PCDHA12: variants seen among roughly 807,000 people sequenced by gnomAD.
The protein encoded by PCDHA12 is protocadherin alpha-12.
In PCDHA12, 44 loss-of-function variants were observed where a neutral mutation model predicts 60.0. The observed-to-expected ratio is 0.73, with a 90% confidence interval of 0.58 to 0.94. The LOEUF is 0.94. Among genes scored for constraint, PCDHA12 ranks in the 40% least tolerant of loss-of-function variants. The pLI is 0.00. For missense variants in PCDHA12, 1,276 were observed against 1,239.7 expected, an observed-to-expected ratio of 1.03 and a Z score of -0.44; for synonymous variants, 569 against 553.0, an observed-to-expected ratio of 1.03 and a Z score of -0.40.
intron 3 of PCDHA12, among the ~76,000 whole-genome samples, chr5:140,990,648 A>G (rs2097404919): frequency 2.0e-5 from 3 of 152,220 alleles, no homozygotes; most frequent in Admixed American, 1.3e-4. Flanking sequence ...CTCAGCCAGT[A>G]TGAATGATTT....
chr5:140,882,309 T>C (rs745321942), intron 1 of PCDHA12: 1 of 1,614,090 alleles, frequency 6.2e-7, no homozygotes, highest in Non-Finnish European at 8.5e-7. Flanking sequence ...CCGCGGCAAC[T>C]ACTGCTCTGG....
At chr5:140,942,382 A>C (rs1341028342) in intron 1 of PCDHA12, among the ~76,000 whole-genome samples, 2 of 152,102 alleles carry the variant, frequency 1.3e-5, no homozygotes, top group African/African-American at 4.8e-5. Context: ...ACTGCATTCC[A>C]GCCTGGGCGA....
At chr5:140,965,555 G>A (rs1373065218) in intron 1 of PCDHA12, among the ~76,000 whole-genome samples, 4 of 151,798 alleles carry the variant, frequency 2.6e-5, no homozygotes, top group Non-Finnish European at 5.9e-5. Flanking sequence ...CCTGGCTTAG[G>A]AGATCAACAG....
chr5:140,973,549 A>G (rs1040107774), intron 1 of PCDHA12, among the ~76,000 whole-genome samples: 2 of 152,230 alleles, frequency 1.3e-5, no homozygotes, highest in Non-Finnish European at 2.9e-5. Context: ...ATTTATTTCA[A>G]TTACCTCTTT....
intron 1 of PCDHA12, among the ~76,000 whole-genome samples, chr5:140,917,830 G>A (rs2078377355): frequency 6.6e-6 from 1 of 151,722 alleles, no homozygotes; most frequent in Admixed American, 6.6e-5. Flanking sequence ...GTAGTGTGAT[G>A]TCCTTCTTGT....
At chr5:140,946,295 C>T (rs543000779) in intron 1 of PCDHA12, among the ~76,000 whole-genome samples, 2 of 151,940 alleles carry the variant, frequency 1.3e-5, no homozygotes, top group South Asian at 4.1e-4. Context: ...TCACCTCACA[C>T]CTGGTAGAAT....
At chr5:140,904,125 C>G (rs2070849198) in intron 1 of PCDHA12, among the ~76,000 whole-genome samples, 1 of 151,972 alleles carries the variant, frequency 6.6e-6, no homozygotes, top group East Asian at 1.9e-4. Flanking sequence ...TTTTGGTGCA[C>G]CCATCACCCG....
rs57893927 is a variant in PCDHA12, at chr5:140,946,631, T to TATATATATATATATATAC, written c.2368-32317_2368-32316insTATATATATATATATACA. Among the ~76,000 whole-genome samples, 374 of 131,796 alleles carry TATATATATATATATATAC rather than the reference T, an allele frequency of 2.8e-3. 24 individuals carry two copies. The highest frequency in any genetic ancestry group is 0.011 in the African/African-American group (320 of 28,670). 86.5% of individuals were successfully genotyped at this position (131,796 alleles called of 152,430 possible). ...TGTGAAATATATATATATATATATA[T>TATATATATATATATATAC]ACAATGGAATACTCATCAGCCATTA... On this transcript the variant is annotated intron_variant, in intron 1 of 3. Coordinates refer to ENST00000398631, the MANE Select transcript of PCDHA12 (RefSeq NM_018903.4).
Position 140,883,553 on chromosome 5 carries a change from G to A in PCDHA12, c.2367+5714G>A, listed in dbSNP as rs782158028. The A allele has an allele frequency of 4.3e-6, 7 of 1,614,122 alleles. No individual in the cohort carries two copies. In the South Asian group the frequency reaches 7.7e-5, roughly 18 times the overall value. On this transcript the variant is annotated intron_variant, in intron 1 of 3. Transcript: ENST00000398631. The stretch of plus-strand genomic sequence containing the variant: ...CTATGAACTGGTGGTGACCGCGCGG[G>A]ACGGGGGCTCGCCTTCGCTGTGGGC...
chr5:140,990,304 A>C (rs114506238), intron 3 of PCDHA12, among the ~76,000 whole-genome samples: 1 of 152,168 alleles, frequency 6.6e-6, no homozygotes, highest in African/African-American at 2.4e-5. Context: ...CATTGTCTGT[A>C]AAAAACCAAC....
chr5:141,000,391 C>CTATA (rs2097912428), intron 3 of PCDHA12, among the ~76,000 whole-genome samples: 2 of 56,664 alleles, frequency 3.5e-5, no homozygotes, highest in Non-Finnish European at 6.1e-5. Context: ...CTCTCTCTCT[C>CTATA]TCTCTATATA....
intron 1 of PCDHA12, among the ~76,000 whole-genome samples, chr5:140,925,728 TAAATATTTACAGAAAGA>T (rs1554202900): frequency 6.6e-6 from 1 of 151,870 alleles, no homozygotes; most frequent in African/African-American, 2.4e-5. Context: ...TGGTGTTTTC[TAAATATTTACAGAAAGA>T]AAATTTACAG....
intron 1 of PCDHA12, among the ~76,000 whole-genome samples, chr5:140,907,664 T>G (rs2073522534): frequency 6.6e-6 from 1 of 152,216 alleles, no homozygotes; most frequent in Non-Finnish European, 1.5e-5. Context: ...CAGCAGTGGC[T>G]GTAGCCAGGT....
chr5:140,935,566 T>A (rs2090441028), intron 1 of PCDHA12, among the ~76,000 whole-genome samples: 1 of 152,246 alleles, frequency 6.6e-6, no homozygotes, highest in Non-Finnish European at 1.5e-5. Context: ...AAAGTTCCTC[T>A]CTGTGTAGTT....
intron 3 of PCDHA12, among the ~76,000 whole-genome samples, chr5:140,997,376 C>T (rs1554255857): frequency 2.6e-5 from 4 of 152,144 alleles, no homozygotes. Flanking sequence ...GATGATATAG[C>T]ATACTACACA....
At chr5:141,005,796 AAC>A (rs2098240426) in intron 3 of PCDHA12, among the ~76,000 whole-genome samples, 1 of 151,400 alleles carries the variant, frequency 6.6e-6, no homozygotes, top group Admixed American at 6.6e-5. Flanking sequence ...AGGCAAAAAC[AAC>A]TCCAAGGAGC....
chr5:140,941,286 CTCTT>C (rs5871754), intron 1 of PCDHA12, among the ~76,000 whole-genome samples: 36,780 of 106,460 alleles, frequency 0.35, 6,423 homozygotes, highest in East Asian at 0.56. Flanking sequence ...TCCTTCCTTT[CTCTT>C]TCTTTCTTTC....
At chr5:140,896,871 TTTATGGG>T (rs1349052738) in intron 1 of PCDHA12, among the ~76,000 whole-genome samples, 1 of 152,200 alleles carries the variant, frequency 6.6e-6, no homozygotes, top group Non-Finnish European at 1.5e-5. Flanking sequence ...AGTGTACATA[TTTATGGG>T]GTATATGAGA....
intron 1 of PCDHA12, among the ~76,000 whole-genome samples, chr5:140,934,682 A>G (rs2089985981): frequency 6.6e-6 from 1 of 152,156 alleles, no homozygotes; most frequent in Non-Finnish European, 1.5e-5. Flanking sequence ...AGTATTCAAA[A>G]CAATGAATTG....
Sources: allele counts gnomAD v4.1 joint callset (sites outside exome capture counted in the v4.1 genomes callset), GRCh38; gene constraint gnomAD v4.1.1; transcripts MANE v1.5; gene names NCBI Gene and HGNC (gene_info 2026-07-23, HGNC 2026-07-21).